Variants in CNNM2 observed in about 807,000 individuals in gnomAD.
CNNM2 encodes cyclin and CBS domain divalent metal cation transport mediator 2.
CNNM2 carries 12 observed loss-of-function variants against 66.9 expected under a neutral mutation model. That is an observed-to-expected ratio of 0.18 (90% CI 0.11 to 0.29). The LOEUF (loss-of-function observed/expected upper bound fraction) is 0.29, where lower values mean the gene tolerates loss of function less well. CNNM2 is among the 10% of genes least tolerant of loss of function. CNNM2 has a pLI of 1.00. For synonymous variants in CNNM2, 557 were observed against 501.8 expected (o/e 1.11, Z -1.47); for missense variants, 705 against 1,167.7 (o/e 0.60, Z 5.77).
At chr10:103,005,641 CT>C (rs1434730548) in intron 1 of CNNM2, among the ~76,000 whole-genome samples, 1 of 152,098 alleles carries the variant, frequency 6.6e-6, no homozygotes, top group Non-Finnish European at 1.5e-5. Context: ...AAGAGCGAAA[CT>C]CCGTCTCTCA....
rs1002868678 is a variant in CNNM2, at chr10:102,964,573, G to C, written c.1621+44472G>C. Reference sequence around the variant, plus strand: ...ATTGGGAGCCTAGTCTTGGCATCAGGTGTCCTGTATTTAATCAGTTGGCAG... The same window carrying C: ...ATTGGGAGCCTAGTCTTGGCATCAGCTGTCCTGTATTTAATCAGTTGGCAG... On this transcript the variant is annotated intron_variant, in intron 1 of 7. Coordinates refer to ENST00000369878, the MANE Select transcript of CNNM2 (RefSeq NM_017649.5). Among the ~76,000 whole-genome samples, 3 of 152,182 alleles carry C rather than the reference G, an allele frequency of 2.0e-5. No individual in the cohort carries two copies. In the South Asian group the frequency reaches 6.2e-4, roughly 32 times the overall value.
At chr10:103,042,736 T>C (rs755779459) in intron 1 of CNNM2, among the ~76,000 whole-genome samples, 2 of 152,242 alleles carry the variant, frequency 1.3e-5, no homozygotes, top group Admixed American at 6.5e-5. Context: ...TGTTCACTTG[T>C]AAATCTGACT....
chr10:103,013,870 A>AG (rs2134275527), intron 1 of CNNM2, among the ~76,000 whole-genome samples: 1 of 152,320 alleles, frequency 6.6e-6, no homozygotes, highest in South Asian at 2.1e-4. Flanking sequence ...AATTTATTGG[A>AG]GGGACAGCTC....
At chr10:103,006,943 T>G (rs1010162788) in intron 1 of CNNM2, among the ~76,000 whole-genome samples, 1 of 152,220 alleles carries the variant, frequency 6.6e-6, no homozygotes, top group Non-Finnish European at 1.5e-5. Context: ...ATTTATATGA[T>G]TTTAATTTTT....
chr10:102,957,599 C>T (rs759571687), intron 1 of CNNM2, among the ~76,000 whole-genome samples: 13 of 152,170 alleles, frequency 8.5e-5, no homozygotes, highest in Middle Eastern at 3.4e-3. Context: ...TATAGTTGTC[C>T]GACTTTTCAC....
chr10:103,070,993 T>C (rs1028134376), intron 5 of CNNM2, among the ~76,000 whole-genome samples: 3 of 152,190 alleles, frequency 2.0e-5, no homozygotes, highest in Non-Finnish European at 4.4e-5. Flanking sequence ...GCCTAGTATT[T>C]TACTTAACTT....
intron 1 of CNNM2, among the ~76,000 whole-genome samples, chr10:103,046,905 T>C (rs1197698526): frequency 6.6e-6 from 1 of 152,240 alleles, no homozygotes; most frequent in Non-Finnish European, 1.5e-5. Flanking sequence ...TTATTAAAGG[T>C]TAGTTGTAAT....
At chr10:103,002,796 A>G (rs935152633) in intron 1 of CNNM2, among the ~76,000 whole-genome samples, 1 of 152,014 alleles carries the variant, frequency 6.6e-6, no homozygotes, top group Non-Finnish European at 1.5e-5. Flanking sequence ...ATCCTTATAC[A>G]TTGGTGGAGG....
chr10:103,079,613 TGTGATG>T lies in CNNM2; in HGVS notation c.*2435_*2440del, dbSNP rs1260820514. On this transcript the variant is annotated 3_prime_UTR_variant, in exon 8 of 8. Transcript: ENST00000369878. Reference sequence around the variant, plus strand: ...TCTTAATACTGTCTTACGTGCTCGGTGTGATGGCTTCTTGCAAATTATTCTCTTATA... The same window carrying T: ...TCTTAATACTGTCTTACGTGCTCGGTGCTTCTTGCAAATTATTCTCTTATA... 1 of 152,210 alleles carries T rather than the reference TGTGATG, an allele frequency of 6.6e-6. No individual in the cohort carries two copies. Among genetic ancestry groups the T allele is most frequent in the Non-Finnish European group, 1.5e-5 (1 of 68,032 alleles). The allele number at this position is 152,210 out of a possible 1,614,324, so 9.4% of individuals were successfully genotyped here. A position where few individuals can be genotyped will look rare whatever the true frequency, so the allele number is the denominator to read the frequency against.
chr10:103,087,864 T>TAA lies in CNNM2; in HGVS notation c.*10685_*10686dup, dbSNP rs1554910201. On this transcript the variant is annotated 3_prime_UTR_variant, in exon 8 of 8. Transcript: ENST00000369878. ...TTGGATGACTTAATCTGAAGCCATA[T>TAA]AAGTCCAAAGTAGTGAGACAGACAG... The TAA allele has an allele frequency of 6.6e-6, 1 of 152,240 alleles. No individual in the cohort carries two copies. Among genetic ancestry groups the TAA allele is most frequent in the Non-Finnish European group, 1.5e-5 (1 of 68,046 alleles). The allele number at this position is 152,240 out of a possible 1,614,324, so 9.4% of individuals were successfully genotyped here. A position where few individuals can be genotyped will look rare whatever the true frequency, so the allele number is the denominator to read the frequency against.
chr10:102,959,849 G>A (rs1179573993), intron 1 of CNNM2, among the ~76,000 whole-genome samples: 3 of 152,098 alleles, frequency 2.0e-5, no homozygotes, highest in African/African-American at 7.2e-5. Flanking sequence ...TCAGGAGATC[G>A]AAACCATCCT....
rs566169856 is a variant in CNNM2 at position 102,931,399 on chromosome 10, C to T, written c.1621+11298C>T. ...TCGAGACAGTTTCACTCTTGTTGCCCAGGCTGTAGTGCAATGGTGCGATCT... is the reference window on the plus strand; with the variant it reads ...TCGAGACAGTTTCACTCTTGTTGCCTAGGCTGTAGTGCAATGGTGCGATCT... On this transcript the variant is annotated intron_variant, in intron 1 of 7. Coordinates refer to ENST00000369878, the MANE Select transcript of CNNM2 (RefSeq NM_017649.5). Among the ~76,000 whole-genome samples the T allele has an allele frequency of 7.3e-4, 107 of 147,128 alleles. 1 individual carries two copies. Among genetic ancestry groups the T allele is most frequent in the African/African-American group, 2.6e-3 (104 of 39,632 alleles).
chr10:102,925,874 G>A (rs958643669), intron 1 of CNNM2, among the ~76,000 whole-genome samples: 6 of 152,070 alleles, frequency 3.9e-5, no homozygotes, highest in African/African-American at 1.2e-4. Context: ...CTTTGTTGTG[G>A]TTAGACTAGG....
intron 1 of CNNM2, among the ~76,000 whole-genome samples, chr10:102,952,358 A>G (rs997476627): frequency 3.3e-5 from 5 of 152,106 alleles, no homozygotes; most frequent in African/African-American, 9.7e-5. Context: ...AGGTCAGGAA[A>G]TCGAGACCAT....
chr10:103,062,460 A>C (rs1182779778), intron 4 of CNNM2, among the ~76,000 whole-genome samples: 2 of 152,194 alleles, frequency 1.3e-5, no homozygotes, highest in Non-Finnish European at 2.9e-5. Context: ...TAACACACCC[A>C]TTTTACTTGG....
At chr10:102,980,094 T>C (rs2063696135) in intron 1 of CNNM2, among the ~76,000 whole-genome samples, 1 of 152,018 alleles carries the variant, frequency 6.6e-6, no homozygotes, top group Admixed American at 6.6e-5. Context: ...TTGTATTTTT[T>C]AGTAGAGACA....
chr10:103,046,017 G>A (rs911444073), intron 1 of CNNM2, among the ~76,000 whole-genome samples: 1 of 152,204 alleles, frequency 6.6e-6, no homozygotes, highest in African/African-American at 2.4e-5. Context: ...TTGGTAATAA[G>A]TTGATGGTGC....
chr10:102,964,995 A>G (rs1457030248), intron 1 of CNNM2, among the ~76,000 whole-genome samples: 1 of 152,170 alleles, frequency 6.6e-6, no homozygotes. Context: ...GTGAAGACAC[A>G]GCGTTCCTCC....
At chr10:103,042,750 T>C (rs368470134) in intron 1 of CNNM2, among the ~76,000 whole-genome samples, 2 of 152,352 alleles carry the variant, frequency 1.3e-5, no homozygotes, top group Non-Finnish European at 2.9e-5. Flanking sequence ...TCTGACTAAA[T>C]CCAATTGTAA....
Sources: gnomAD v4.1 joint callset for allele counts (sites outside exome capture counted in the v4.1 genomes callset) on GRCh38, gnomAD v4.1.1 for gene constraint, MANE v1.5 for transcripts, NCBI Gene and HGNC (gene_info 2026-07-23, HGNC 2026-07-21) for gene names.